Variants in ZMIZ1 observed in about 807,000 individuals in gnomAD.
ZMIZ1 encodes the protein zinc finger MIZ-type containing 1.
ZMIZ1 carries 17 observed loss-of-function variants against 113.9 expected under a neutral mutation model. The ratio of observed to expected loss-of-function variants is 0.15; its 90% CI spans 0.10 to 0.22. The LOEUF (loss-of-function observed/expected upper bound fraction) is 0.22, where lower values mean the gene tolerates loss of function less well. Among genes scored for constraint, ZMIZ1 ranks in the 10% least tolerant of loss-of-function variants. The pLI is 1.00. For synonymous variants in ZMIZ1, 607 were observed against 603.1 expected (o/e 1.01, Z -0.09); for missense variants, 1,059 against 1,477.8 (o/e 0.72, Z 4.65).
chr10:79,087,816 G>C (rs1377261875), intron 1 of ZMIZ1, among the ~76,000 whole-genome samples: 1 of 152,214 alleles, frequency 6.6e-6, no homozygotes, highest in Non-Finnish European at 1.5e-5. Context: ...CCAAGCCTCA[G>C]CTTGCCCTCA....
chr10:79,221,341 C>T (rs1429122527), intron 7 of ZMIZ1, among the ~76,000 whole-genome samples: 2 of 152,212 alleles, frequency 1.3e-5, no homozygotes, highest in African/African-American at 2.4e-5. Flanking sequence ...CTGCAGCAGC[C>T]GCCAGGCAGG....
intron 3 of ZMIZ1, among the ~76,000 whole-genome samples, chr10:79,152,059 C>T (rs1187435726): frequency 6.6e-6 from 1 of 152,220 alleles, no homozygotes; most frequent in Admixed American, 6.5e-5. Context: ...GGACCGGGCT[C>T]TAGGGCCCAG....
intron 3 of ZMIZ1, among the ~76,000 whole-genome samples, chr10:79,154,657 C>G (rs985496624): frequency 6.6e-6 from 1 of 152,178 alleles, no homozygotes. Flanking sequence ...GAAGGGAGTA[C>G]CTGGCACGGA....
At chr10:79,114,670 A>G (rs1005568936) in intron 1 of ZMIZ1, among the ~76,000 whole-genome samples, 2 of 152,192 alleles carry the variant, frequency 1.3e-5, no homozygotes, top group African/African-American at 4.8e-5. Context: ...ACCCCCCTCC[A>G]CAAATGCTAA....
chr10:79,272,363 G>A (rs1852000639), intron 7 of ZMIZ1, among the ~76,000 whole-genome samples: 1 of 152,220 alleles, frequency 6.6e-6, no homozygotes. Context: ...AGCCCAGAGA[G>A]ATTGTACTGT....
At chr10:79,272,675 A>G (rs1050937903) in intron 7 of ZMIZ1, among the ~76,000 whole-genome samples, 2 of 152,258 alleles carry the variant, frequency 1.3e-5, no homozygotes, top group African/African-American at 4.8e-5. Context: ...GTGATAGAAC[A>G]CCTTGGTACT....
At chr10:79,198,899 T>C (rs948780831) in intron 4 of ZMIZ1, among the ~76,000 whole-genome samples, 1 of 152,064 alleles carries the variant, frequency 6.6e-6, no homozygotes, top group Non-Finnish European at 1.5e-5. Flanking sequence ...CCAGGCGTGG[T>C]GGCAGGCGCC....
intron 3 of ZMIZ1, among the ~76,000 whole-genome samples, chr10:79,156,424 T>A (rs1259083788): frequency 1.3e-5 from 2 of 152,124 alleles, no homozygotes; most frequent in African/African-American, 4.8e-5. Flanking sequence ...CTTCCCACGA[T>A]CTCAGCTTGC....
intron 5 of ZMIZ1, among the ~76,000 whole-genome samples, chr10:79,207,111 G>A (rs1848348453): frequency 6.6e-6 from 1 of 152,216 alleles, no homozygotes; most frequent in Admixed American, 6.5e-5. Context: ...GATTCCCGTA[G>A]CTCCCCTGCC....
At chr10:79,107,767 G>A (rs954804251) in intron 1 of ZMIZ1, among the ~76,000 whole-genome samples, 8 of 152,218 alleles carry the variant, frequency 5.3e-5, no homozygotes, top group Admixed American at 5.2e-4. Flanking sequence ...CTGGACAGAG[G>A]ATGGCACTCA....
chr10:79,084,480 C>A (rs141426951), intron 1 of ZMIZ1, among the ~76,000 whole-genome samples: 3 of 152,348 alleles, frequency 2.0e-5, no homozygotes, highest in African/African-American at 7.2e-5. Flanking sequence ...TCAAAGAGGG[C>A]AGCTCTATCT....
chr10:79,114,270 A>G (rs1170694555), intron 1 of ZMIZ1, among the ~76,000 whole-genome samples: 2 of 152,204 alleles, frequency 1.3e-5, no homozygotes, highest in African/African-American at 2.4e-5. Flanking sequence ...ATGGCTATCA[A>G]TAATTTAATA....
chr10:79,226,368 A>G (rs1262879275), intron 7 of ZMIZ1, among the ~76,000 whole-genome samples: 1 of 152,174 alleles, frequency 6.6e-6, no homozygotes, highest in Admixed American at 6.5e-5. Context: ...GGCCACAGGT[A>G]TCACCATGCC....
intron 23 of ZMIZ1, among the ~76,000 whole-genome samples, chr10:79,308,174 G>A (rs950145014): frequency 2.6e-5 from 4 of 152,304 alleles, no homozygotes; most frequent in Admixed American, 2.6e-4. Flanking sequence ...GTGGCAGGAG[G>A]CCCTCCTGTC....
intron 1 of ZMIZ1, among the ~76,000 whole-genome samples, chr10:79,114,345 AT>A (rs1447094351): frequency 6.6e-6 from 1 of 152,172 alleles, no homozygotes; most frequent in Non-Finnish European, 1.5e-5. Flanking sequence ...GGGCTAAATG[AT>A]TTAAGTGTTG....
chr10:79,298,540 T>G lies in ZMIZ1; in HGVS notation c.1626T>G (p.Pro542=), dbSNP rs1316871426. The change falls in exon 15 of 25, where the codon CCT becomes CCG. Residue 542 remains proline (P), a synonymous_variant. Transcript: ENST00000334512. ...PSQDVKPPFP[P]DIKPNMSALP... ...AAGACGTCAAACCACCCTTCCCGCCTGACATCAAGCCAAATATGAGCGCTC... is the reference window on the plus strand; with the variant it reads ...AAGACGTCAAACCACCCTTCCCGCCGGACATCAAGCCAAATATGAGCGCTC... 2 of 1,601,310 alleles carry G rather than the reference T, an allele frequency of 1.2e-6. No homozygotes were observed.
At chr10:79,250,269 C>T (rs1369109383) in intron 7 of ZMIZ1, among the ~76,000 whole-genome samples, 2 of 152,222 alleles carry the variant, frequency 1.3e-5, no homozygotes, top group Non-Finnish European at 2.9e-5. Context: ...CTCATCTGTA[C>T]AGTACTCCTG....
intron 7 of ZMIZ1, among the ~76,000 whole-genome samples, chr10:79,245,092 G>A (rs1234176413): frequency 6.6e-6 from 1 of 152,172 alleles, no homozygotes; most frequent in Non-Finnish European, 1.5e-5. Context: ...ACCAAACGGC[G>A]ATGCTTTGGT....
intron 4 of ZMIZ1, among the ~76,000 whole-genome samples, chr10:79,175,681 C>T (rs1846829554): frequency 6.6e-6 from 1 of 151,058 alleles, no homozygotes; most frequent in Non-Finnish European, 1.5e-5. Context: ...GCCACCACAC[C>T]CTTCACACCA....
Sources: allele counts gnomAD v4.1 joint callset (sites outside exome capture counted in the v4.1 genomes callset), GRCh38; gene constraint gnomAD v4.1.1; transcripts MANE v1.5; gene names NCBI Gene and HGNC (gene_info 2026-07-23, HGNC 2026-07-21).